Variants in ANKS6 observed in about 807,000 individuals in gnomAD.
ANKS6 encodes ankyrin repeat and sterile alpha motif domain containing 6, also known as ankyrin repeat and SAM domain-containing protein 6.
In ANKS6, 47 loss-of-function variants were observed where a neutral mutation model predicts 77.9. That is an observed-to-expected ratio of 0.60 (90% CI 0.48 to 0.77). ANKS6 has a LOEUF of 0.77. ANKS6 is among the 30% of genes least tolerant of loss of function. The probability of loss-of-function intolerance (pLI) is 0.00; values close to 1 mark genes in which losing one functional copy is unlikely to be tolerated. For synonymous variants in ANKS6, 488 were observed against 501.7 expected (o/e 0.97, Z 0.37); for missense variants, 1,150 against 1,159.1 (o/e 0.99, Z 0.11).
At chr9:98,794,087 T>C (rs1387860801) in intron 1 of ANKS6, among the ~76,000 whole-genome samples, 3 of 139,074 alleles carry the variant, frequency 2.2e-5, no homozygotes, top group African/African-American at 5.4e-5. Context: ...GAGGCGGAGG[T>C]TGCAGTGAGT....
intron 1 of ANKS6, 75 bp from the exon 2 acceptor site, chr9:98,790,681 C>A: frequency 6.6e-7 from 1 of 1,525,802 alleles, no homozygotes; most frequent in Non-Finnish European, 8.9e-7. Context: ...CCTTAATTGG[C>A]ATGAATTATT....
chr9:98,732,791 T>C lies in ANKS6; in HGVS notation c.*3728A>G, dbSNP rs1044385369. 4.4e-6 allele frequency: 6 copies of C among 1,356,622 alleles called. No homozygotes were observed. The highest frequency in any genetic ancestry group is 4.4e-5 in the African/African-American group (3 of 68,056). The allele number at this position is 1,356,622 out of a possible 1,614,324, so 84.0% of individuals were successfully genotyped here. A position where few individuals can be genotyped will look rare whatever the true frequency, so the allele number is the denominator to read the frequency against. ...AGCACTAGGTCTATGTCCAGTGCTCTTTCCAGGGTAACAGGTTGCTTCTAC... is the reference window on the plus strand; with the variant it reads ...AGCACTAGGTCTATGTCCAGTGCTCCTTCCAGGGTAACAGGTTGCTTCTAC... On this transcript the variant is annotated 3_prime_UTR_variant, in exon 15 of 15. Transcript: ENST00000353234.
At chr9:98,764,458 T>C (rs527810847) in intron 11 of ANKS6, among the ~76,000 whole-genome samples, 26 of 152,224 alleles carry the variant, frequency 1.7e-4, no homozygotes, top group Non-Finnish European at 3.4e-4. Flanking sequence ...ACATATTCCT[T>C]CTGCCCCACC....
intron 5 of ANKS6, among the ~76,000 whole-genome samples, chr9:98,780,625 G>C (rs1834194427): frequency 6.6e-6 from 1 of 152,216 alleles, no homozygotes; most frequent in Admixed American, 6.5e-5. Context: ...GGCTGCAGAG[G>C]TTCAGATTCT....
chr9:98,754,893 A>C (rs1311471433), intron 12 of ANKS6, among the ~76,000 whole-genome samples: 1 of 152,210 alleles, frequency 6.6e-6, no homozygotes, highest in Non-Finnish European at 1.5e-5. Flanking sequence ...CAGTCCATAC[A>C]GACATCCACT....
intron 6 of ANKS6, among the ~76,000 whole-genome samples, chr9:98,779,073 T>C (rs1834082117): frequency 6.6e-6 from 1 of 152,206 alleles, no homozygotes; most frequent in Non-Finnish European, 1.5e-5. Context: ...TCAGGAAGGA[T>C]GCAGAGCTTG....
At position 98,735,866 on chromosome 9, in the gene ANKS6, C is replaced by T. The variant is rs546457793; in HGVS notation, c.*653G>A. On this transcript the variant is annotated 3_prime_UTR_variant, in exon 15 of 15. Coordinates refer to ENST00000353234, the MANE Select transcript of ANKS6 (RefSeq NM_173551.5). ...TGGAATGCTACAGCAGTCACATACACAGCACTAAGGGACCCAGTGGCTGAA... is the reference window on the plus strand; with the variant it reads ...TGGAATGCTACAGCAGTCACATACATAGCACTAAGGGACCCAGTGGCTGAA... The T allele has an allele frequency of 1.6e-6, 2 of 1,232,064 alleles. No individual in the cohort carries two copies. The highest frequency in any genetic ancestry group is 3.2e-5 in the East Asian group (1 of 31,694). The allele number at this position is 1,232,064 out of a possible 1,614,324, so 76.3% of individuals were successfully genotyped here. A position where few individuals can be genotyped will look rare whatever the true frequency, so the allele number is the denominator to read the frequency against.
At position 98,768,071 on chromosome 9, in the gene ANKS6, A is replaced by G. The variant is rs374484472; in HGVS notation, c.2142+10T>C. The G allele has an allele frequency of 3.8e-5, 61 of 1,600,600 alleles. No homozygotes were observed. In the African/African-American group the frequency reaches 7.7e-4, roughly 20 times the overall value. ...GAGTGTAACAGGAGGAGGCCACACA[A>G]AACAAGCACCTTGCCAACAGGAGCG... On this transcript the variant is annotated intron_variant, in intron 11 of 14. Transcript: ENST00000353234.
At chr9:98,782,354 C>A in intron 5 of ANKS6, 113 bp downstream of exon 5, 1 of 941,130 alleles carries the variant, frequency 1.1e-6, no homozygotes, top group Non-Finnish European at 1.6e-6. Context: ...GAGTGACTTT[C>A]CCCCACGAAT....
Position 98,735,025 on chromosome 9 carries a change from C to T in ANKS6, c.*1494G>A. 1 of 985,442 alleles carries T rather than the reference C, an allele frequency of 1.0e-6. No homozygotes were observed. Among genetic ancestry groups the T allele is most frequent in the South Asian group, 4.7e-5 (1 of 21,286 alleles). 61.0% of individuals were successfully genotyped at this position (985,442 alleles called of 1,614,324 possible). On this transcript the variant is annotated 3_prime_UTR_variant, in exon 15 of 15. Coordinates refer to ENST00000353234, the MANE Select transcript of ANKS6 (RefSeq NM_173551.5). ...AAGCCAGCATAGGGGAATGGGCTTTCATGGCTGGGGGAGGGACAGATGAGA... is the reference window on the plus strand; with the variant it reads ...AAGCCAGCATAGGGGAATGGGCTTTTATGGCTGGGGGAGGGACAGATGAGA...
chr9:98,789,453 C>T (rs962767650), intron 2 of ANKS6, among the ~76,000 whole-genome samples: 1 of 141,356 alleles, frequency 7.1e-6, no homozygotes, highest in Non-Finnish European at 1.5e-5. Context: ...AAAAAAGATG[C>T]ACTGCTAGAT....
In ANKS6 at chr9:98,782,561, A is replaced by G. The variant is rs200355078; in HGVS notation, c.1125T>C (p.Ile375=). 791 of 1,614,020 alleles carry G rather than the reference A, an allele frequency of 4.9e-4. 12 individuals carry two copies. The South Asian group carries it at 8.1e-3, about 17-fold the overall frequency. ...MQATYHGNKE[I]VKYLLNQGAD... ...CCCCTTGGTTTAGCAGATATTTCAC[A>G]ATTTCCTTATTCCTGGGAAAAAATG... The change falls in exon 5 of 15, where the codon ATT becomes ATC. Residue 375 remains isoleucine (I), a synonymous_variant. Coordinates refer to ENST00000353234, the MANE Select transcript of ANKS6 (RefSeq NM_173551.5).
At chr9:98,749,425 C>T (rs1051448755) in intron 13 of ANKS6, among the ~76,000 whole-genome samples, 26 of 152,184 alleles carry the variant, frequency 1.7e-4, no homozygotes, top group African/African-American at 5.8e-4. Context: ...TGAACATTCT[C>T]GAAGCTCTGT....
intron 7 of ANKS6, 101 bp downstream of exon 7, chr9:98,778,122 ACAT>A: frequency 7.4e-7 from 1 of 1,345,888 alleles, no homozygotes; most frequent in Non-Finnish European, 1.0e-6. Context: ...TCCCATTCCA[ACAT>A]CATCTTACCC....
chr9:98,763,420 G>A (rs1417082255), intron 11 of ANKS6, among the ~76,000 whole-genome samples: 1 of 151,920 alleles, frequency 6.6e-6, no homozygotes, highest in Admixed American at 6.6e-5. Flanking sequence ...CTCAAGAGAA[G>A]GGGAAAATAT....
At chr9:98,778,483 A>T in intron 6 of ANKS6, 59 bp from the exon 7 acceptor site, 1 of 1,536,238 alleles carries the variant, frequency 6.5e-7, no homozygotes, top group Middle Eastern at 2.1e-4. Flanking sequence ...GACCAGGCCC[A>T]GGACCTGCCA....
Position 98,732,999 on chromosome 9 carries a change from GCTGAGC to G in ANKS6, c.*3514_*3519del. 1.0e-6 allele frequency: 1 copy of G among 963,480 alleles called. No homozygotes were observed. Among genetic ancestry groups the G allele is most frequent in the Non-Finnish European group, 1.2e-6 (1 of 801,824 alleles). The allele number at this position is 963,480 out of a possible 1,614,324, so 59.7% of individuals were successfully genotyped here. On this transcript the variant is annotated 3_prime_UTR_variant, in exon 15 of 15. Coordinates refer to ENST00000353234, the MANE Select transcript of ANKS6 (RefSeq NM_173551.5). ...TCTCTCTCCTCTGGGGCGTGCCCAG[GCTGAGC>G]CTGAGCCATCATCGATGACTTTCCC... is the stretch of plus-strand genomic sequence containing the variant.
chr9:98,795,898 G>A (rs1835147596), intron 1 of ANKS6: 1 of 378,044 alleles, frequency 2.6e-6, no homozygotes, highest in Non-Finnish European at 4.6e-6. Context: ...TCTATTCGCT[G>A]TCTCCAGATT....
chr9:98,761,927 C>A (rs932570153), intron 11 of ANKS6, among the ~76,000 whole-genome samples: 3 of 152,046 alleles, frequency 2.0e-5, no homozygotes, highest in Non-Finnish European at 2.9e-5. Flanking sequence ...GTTTCTAGAT[C>A]TCTACAAAAA....
Sources: gnomAD v4.1 joint callset for allele counts (sites outside exome capture counted in the v4.1 genomes callset) on GRCh38, gnomAD v4.1.1 for gene constraint, MANE v1.5 for transcripts, NCBI Gene and HGNC (gene_info 2026-07-23, HGNC 2026-07-21) for gene names.